EPHB2: variants seen among roughly 807,000 people sequenced by gnomAD.
EPHB2 encodes ephrin type-B receptor 2.
In EPHB2, 18 loss-of-function variants were observed where a neutral mutation model predicts 96.4. That is an observed-to-expected ratio of 0.19 (90% confidence interval 0.13 to 0.28). The LOEUF is 0.28. EPHB2 is among the 10% of genes least tolerant of loss of function. The probability of loss-of-function intolerance (pLI) is 1.00; values close to 1 mark genes in which losing one functional copy is unlikely to be tolerated. For synonymous variants in EPHB2, 506 were observed against 534.1 expected, an observed-to-expected ratio of 0.95 and a Z score of 0.72; for missense variants, 989 against 1,355.4, an observed-to-expected ratio of 0.73 and a Z score of 4.25.
chr1:22,814,749 G>T (rs1227380077), intron 3 of EPHB2, among the ~76,000 whole-genome samples: 1 of 152,246 alleles, frequency 6.6e-6, no homozygotes, highest in Non-Finnish European at 1.5e-5. Context: ...CGGGGAAGAA[G>T]CATGGGCTCC....
At chr1:22,882,628 G>T (rs968448074) in intron 6 of EPHB2, 145 bp downstream of exon 6, 2 of 1,308,782 alleles carry the variant, frequency 1.5e-6, no homozygotes, top group African/African-American at 2.9e-5. Context: ...AGGCTGCCTG[G>T]CTCCCAATCC....
intron 1 of EPHB2, among the ~76,000 whole-genome samples, chr1:22,758,161 G>A (rs962315933): frequency 1.5e-4 from 22 of 146,316 alleles, no homozygotes; most frequent in Admixed American, 9.6e-4. Context: ...CTCGTGATCC[G>A]CCCGCCTCGG....
intron 6 of EPHB2, among the ~76,000 whole-genome samples, chr1:22,888,476 A>C (rs1300655964): frequency 1.3e-5 from 2 of 152,172 alleles, no homozygotes; most frequent in African/African-American, 2.4e-5. Flanking sequence ...TATGGTACCT[A>C]CTTGCATTAA....
In EPHB2 at chr1:22,913,253, C is replaced by T. The variant is rs2124149265; in HGVS notation, c.2853-209C>T. 3.1e-6 allele frequency: 2 copies of T among 636,794 alleles called. No individual in the cohort carries two copies. The highest frequency in any genetic ancestry group is 3.6e-5 in the African/African-American group (2 of 55,314). The allele number at this position is 636,794 out of a possible 1,614,324, so 39.4% of individuals were successfully genotyped here. On this transcript the variant is annotated intron_variant, in intron 15 of 15. Transcript: ENST00000374630. This position sits in a 1 kb window ranked among gnomAD's most constrained non-coding sequence, Gnocchi z 4.1. ...CCAATAGCAGGGGAGAGAAGGCCCC[C>T]TAGGGACCCTGATTCCGACTCAAGT...
intron 3 of EPHB2, among the ~76,000 whole-genome samples, chr1:22,837,275 T>C (rs547062233): frequency 3.9e-5 from 6 of 152,206 alleles, no homozygotes; most frequent in Admixed American, 3.9e-4. Flanking sequence ...GGACCCCCAG[T>C]CCCCTTTCTA....
At position 22,784,856 on chromosome 1, in the gene EPHB2, C is replaced by T. The variant is rs2148424941; in HGVS notation, c.591C>T (p.Cys197=). 1.2e-6 allele frequency: 2 copies of T among 1,611,302 alleles called. No homozygotes were observed. Among genetic ancestry groups the T allele is most frequent in the Non-Finnish European group, 1.7e-6 (2 of 1,178,494 alleles). The change falls in exon 3 of 16, where the codon TGC becomes TGT. Residue 197 remains cysteine (C), a synonymous_variant. Coordinates refer to ENST00000374630, the MANE Select transcript of EPHB2 (RefSeq NM_017449.5). The surrounding 1 kb of genome is among the most constrained non-coding windows in gnomAD (Gnocchi z 5.1). ...CCGTGCGTGTCTTCTACCGCAAGTG[C>T]CCCCGCATCATCCAGAATGGCGCCA... ...LIAVRVFYRK[C]PRIIQNGAIF... is the part of the protein sequence containing the mutation.
intron 1 of EPHB2, among the ~76,000 whole-genome samples, chr1:22,756,050 G>A (rs377234420): frequency 1.3e-5 from 2 of 152,116 alleles, no homozygotes; most frequent in African/African-American, 4.8e-5. Context: ...CATGGACTCA[G>A]GACAAGTGGG....
At position 22,844,192 on chromosome 1, in the gene EPHB2, A is replaced by G. The variant is rs1199064048; in HGVS notation, c.812-18845A>G. On this transcript the variant is annotated intron_variant, in intron 3 of 15. Transcript: ENST00000374630. ...TTCGGATTGTTGGGTCAAATGGTACATCTGTTTTAAGCTCTTTGAGAAATT... is the reference window on the plus strand; with the variant it reads ...TTCGGATTGTTGGGTCAAATGGTACGTCTGTTTTAAGCTCTTTGAGAAATT... Among the ~76,000 whole-genome samples, 3 of 152,322 alleles carry G rather than the reference A, an allele frequency of 2.0e-5. No homozygotes were observed. The South Asian group carries it at 6.2e-4, about 32-fold the overall frequency.
At chr1:22,775,178 T>C in intron 1 of EPHB2, 1 of 779,762 alleles carries the variant, frequency 1.3e-6, no homozygotes, top group South Asian at 1.3e-5. Context: ...ATCTTAAAAA[T>C]AACACAGTTG....
chr1:22,862,516 C>G (rs1054189207), intron 3 of EPHB2, among the ~76,000 whole-genome samples: 1 of 152,188 alleles, frequency 6.6e-6, no homozygotes. Context: ...AGTAAAAGGC[C>G]TAGCCAGTAC....
chr1:22,824,575 A>G (rs1460506808), intron 3 of EPHB2, among the ~76,000 whole-genome samples: 2 of 152,214 alleles, frequency 1.3e-5, no homozygotes, highest in Admixed American at 1.3e-4. Flanking sequence ...GGGAGGGAAG[A>G]CGGGTGGAGG....
At chr1:22,870,358 G>A (rs1301320466) in intron 5 of EPHB2, among the ~76,000 whole-genome samples, 3 of 152,128 alleles carry the variant, frequency 2.0e-5, no homozygotes, top group Admixed American at 1.3e-4. Flanking sequence ...ATAAGGAAAC[G>A]GGTTGGGAGA....
intron 1 of EPHB2, among the ~76,000 whole-genome samples, chr1:22,778,273 C>G (rs937379367): frequency 1.3e-5 from 2 of 151,840 alleles, no homozygotes; most frequent in Admixed American, 6.6e-5. Context: ...TGATCTCCCC[C>G]CCTCAAAAGG....
At chr1:22,781,840 A>G (rs1644537670) in intron 2 of EPHB2, among the ~76,000 whole-genome samples, 1 of 152,178 alleles carries the variant, frequency 6.6e-6, no homozygotes, top group Admixed American at 6.5e-5. Flanking sequence ...AAGTACCTTT[A>G]TACACATCAT....
chr1:22,917,480 A>G lies in EPHB2; in HGVS notation c.*3910A>G, dbSNP rs1249961301. On this transcript the variant is annotated 3_prime_UTR_variant, in exon 16 of 16. Coordinates refer to ENST00000374630, the MANE Select transcript of EPHB2 (RefSeq NM_017449.5). ...CAGGGTACCACATGATGCTAGGGAA[A>G]GTGCGTCATGACCGCAGGGTAGCAG... is the stretch of plus-strand genomic sequence containing the variant. 6.6e-6 allele frequency: 1 copy of G among 152,244 alleles called. No individual in the cohort carries two copies. The highest frequency in any genetic ancestry group is 2.4e-5 in the African/African-American group (1 of 41,460). 9.4% of individuals were successfully genotyped at this position (152,244 alleles called of 1,614,324 possible).
At chr1:22,748,156 C>T (rs1327027216) in intron 1 of EPHB2, among the ~76,000 whole-genome samples, 3 of 152,196 alleles carry the variant, frequency 2.0e-5, no homozygotes, top group African/African-American at 7.2e-5. Flanking sequence ...CACTGGGTTA[C>T]TGTGAACATT....
Position 22,775,154 on chromosome 1 carries a change from G to A in EPHB2, c.62-6267G>A, listed in dbSNP as rs566091174. ...TGTTTTGTGTTGTCTGTTTTTTAAGGCTATGGCCATGGCATCTTAAAAATA... is the reference window on the plus strand; with the variant it reads ...TGTTTTGTGTTGTCTGTTTTTTAAGACTATGGCCATGGCATCTTAAAAATA... On this transcript the variant is annotated intron_variant, in intron 1 of 15. Coordinates refer to ENST00000374630, the MANE Select transcript of EPHB2 (RefSeq NM_017449.5). 39 of 778,868 alleles carry A rather than the reference G, an allele frequency of 5.0e-5. 1 individual carries two copies. The South Asian group carries it at 5.1e-4, about 10-fold the overall frequency. The allele number at this position is 778,868 out of a possible 1,614,324, so 48.2% of individuals were successfully genotyped here.
intron 4 of EPHB2, 89 bp downstream of exon 4, chr1:22,863,281 G>C: frequency 1.9e-6 from 3 of 1,590,474 alleles, no homozygotes; most frequent in Non-Finnish European, 8.6e-7. Context: ...GGTGCCGTCC[G>C]GTTACAGCCA....
chr1:22,774,736 A>G lies in EPHB2; in HGVS notation c.62-6685A>G, dbSNP rs114934703. The G allele has an allele frequency of 6.8e-3, 3,215 of 474,542 alleles. 42 individuals carry two copies. Among genetic ancestry groups the G allele is most frequent in the Non-Finnish European group, 6.7e-3 (2,420 of 363,090 alleles). The allele number at this position is 474,542 out of a possible 1,614,324, so 29.4% of individuals were successfully genotyped here. ...CAGGAGCTCTGAAGGGCGATCACAC[A>G]TGGACTTTAGGAACATCACCCAGCT... On this transcript the variant is annotated intron_variant, in intron 1 of 15. Coordinates refer to ENST00000374630, the MANE Select transcript of EPHB2 (RefSeq NM_017449.5).
Sources: allele counts gnomAD v4.1 joint callset (sites outside exome capture counted in the v4.1 genomes callset), GRCh38; gene constraint gnomAD v4.1.1; non-coding constraint Gnocchi (gnomAD v3.1); transcripts MANE v1.5; gene names NCBI Gene and HGNC (gene_info 2026-07-23, HGNC 2026-07-21).